AGBL1: variants seen among roughly 807,000 people sequenced by gnomAD.
AGBL1 encodes the protein cytosolic carboxypeptidase 4.
Under a neutral mutation model 118.9 loss-of-function variants are expected in AGBL1, and 130 were observed. That is an observed-to-expected ratio of 1.09 (90% confidence interval 0.95 to 1.26). The LOEUF is 1.26. Ranked by LOEUF, AGBL1 falls within the 50% of genes most tolerant of loss-of-function variation. The pLI is 0.00. For missense variants in AGBL1, 1,584 were observed against 1,298.1 expected (o/e 1.22, Z -3.38); for synonymous variants, 555 against 478.9 (o/e 1.16, Z -2.08).
chr15:86,813,497 C>A (rs2078820432), intron 22 of AGBL1, among the ~76,000 whole-genome samples: 1 of 152,140 alleles, frequency 6.6e-6, no homozygotes, highest in African/African-American at 2.4e-5. Context: ...CTTTTCCTGT[C>A]TTCCAAAGCA....
intron 18 of AGBL1, among the ~76,000 whole-genome samples, chr15:86,473,926 T>C (rs1032866242): frequency 7.2e-5 from 11 of 152,348 alleles, no homozygotes; most frequent in Admixed American, 7.2e-4. Flanking sequence ...CTTGAACTTC[T>C]ACATGTAGTG....
intron 24 of AGBL1, among the ~76,000 whole-genome samples, chr15:86,999,273 A>G (rs1033208202): frequency 6.6e-6 from 1 of 151,626 alleles, no homozygotes; most frequent in Admixed American, 6.6e-5. Context: ...CACATTGTGC[A>G]GGTTAGTTAC....
intron 21 of AGBL1, among the ~76,000 whole-genome samples, chr15:86,597,583 C>T (rs1019023986): frequency 2.6e-5 from 4 of 151,978 alleles, no homozygotes; most frequent in Admixed American, 6.6e-5. Flanking sequence ...AAATACAGTA[C>T]GTAATAGAAC....
intron 1 of AGBL1, among the ~76,000 whole-genome samples, chr15:86,117,585 G>A (rs1056839485): frequency 1.3e-5 from 2 of 152,158 alleles, no homozygotes; most frequent in African/African-American, 2.4e-5. Flanking sequence ...GGCTCAGAAT[G>A]TGTTTTTAGT....
intron 6 of AGBL1, among the ~76,000 whole-genome samples, chr15:86,231,329 C>A (rs1193617701): frequency 6.6e-6 from 1 of 152,130 alleles, no homozygotes; most frequent in Non-Finnish European, 1.5e-5. Context: ...TTTCAGTATG[C>A]CTTGGTGAAG....
chr15:86,496,110 C>T (rs2082851972), intron 18 of AGBL1, among the ~76,000 whole-genome samples: 1 of 151,850 alleles, frequency 6.6e-6, no homozygotes, highest in Non-Finnish European at 1.5e-5. Context: ...GAGGGACAGA[C>T]CTGGTGGGAG....
At chr15:86,918,631 A>T (rs530300764), downstream of AGBL1, among the ~76,000 whole-genome samples, 8 of 152,144 alleles carry the variant, frequency 5.3e-5, no homozygotes, top group African/African-American at 1.9e-4. Context: ...CGTACCTATT[A>T]ATTTAAATTT....
intron 22 of AGBL1, among the ~76,000 whole-genome samples, chr15:86,695,972 T>G (rs1186590035): frequency 6.6e-6 from 1 of 152,042 alleles, no homozygotes; most frequent in Admixed American, 6.6e-5. Flanking sequence ...TTGATATAAT[T>G]TAGATTTTCT....
intron 5 of AGBL1, among the ~76,000 whole-genome samples, chr15:86,172,870 C>T (rs757369620): frequency 1.2e-4 from 18 of 151,934 alleles, no homozygotes; most frequent in South Asian, 6.2e-4. Context: ...TATTCAATAG[C>T]GTGATTACTG....
At chr15:86,208,983 T>G (rs954586206) in intron 5 of AGBL1, among the ~76,000 whole-genome samples, 1 of 152,234 alleles carries the variant, frequency 6.6e-6, no homozygotes, top group Non-Finnish European at 1.5e-5. Flanking sequence ...ACAGACTGCT[T>G]TAAATGTGTC....
rs566183906 is a variant in AGBL1, at chr15:86,190,999, T to G, written c.488+31973T>G. 5.9e-5 allele frequency among the ~76,000 whole-genome samples: 9 copies of G among 152,148 alleles called. No homozygotes were observed. In the South Asian group the frequency reaches 1.9e-3, roughly 32 times the overall value. On this transcript the variant is annotated intron_variant, in intron 5 of 22. Coordinates refer to ENST00000614907, the MANE Select transcript of AGBL1 (RefSeq NM_001386094.1). ...GTGACTCAAGATCCAAAGGGTAGGA[T>G]GCCAAAACAACAGAATGAGCTGGTA...
chr15:86,253,141 G>A (rs999060616), intron 7 of AGBL1, among the ~76,000 whole-genome samples: 1 of 152,196 alleles, frequency 6.6e-6, no homozygotes, highest in Non-Finnish European at 1.5e-5. Flanking sequence ...GCAGAGCATT[G>A]TGAGTAAGGG....
intron 22 of AGBL1, among the ~76,000 whole-genome samples, chr15:86,695,157 C>T (rs1362029826): frequency 6.6e-6 from 1 of 151,946 alleles, no homozygotes; most frequent in Non-Finnish European, 1.5e-5. Flanking sequence ...GGAATAGTGT[C>T]AATAGGATTG....
rs2084246005 is a variant in AGBL1 at position 86,586,228 on chromosome 15, T to G, written c.2994+31691T>G. On this transcript the variant is annotated intron_variant, in intron 21 of 22. Coordinates refer to ENST00000614907, the MANE Select transcript of AGBL1 (RefSeq NM_001386094.1). ...TTCTCTCCTAGCCTGTAATTCTAAG[T>G]TATCTAGACAAGGTACTAGGGACAC... 2.6e-5 allele frequency among the ~76,000 whole-genome samples: 4 copies of G among 152,208 alleles called. No homozygotes were observed. The South Asian group carries it at 8.3e-4, about 32-fold the overall frequency.
chr15:86,605,276 C>T (rs191393985), intron 21 of AGBL1, among the ~76,000 whole-genome samples: 1 of 152,044 alleles, frequency 6.6e-6, no homozygotes, highest in Admixed American at 6.5e-5. Flanking sequence ...ACAAATGAGA[C>T]ATGGTAGGTT....
chr15:86,171,541 A>T (rs1166971740), intron 5 of AGBL1, among the ~76,000 whole-genome samples: 5 of 152,198 alleles, frequency 3.3e-5, no homozygotes, highest in Admixed American at 2.6e-4. Flanking sequence ...AAAACATTCA[A>T]TTCATCCAAA....
At chr15:86,478,870 G>A (rs1193520836) in intron 18 of AGBL1, among the ~76,000 whole-genome samples, 1 of 152,074 alleles carries the variant, frequency 6.6e-6, no homozygotes, top group Non-Finnish European at 1.5e-5. Flanking sequence ...GCACGATACT[G>A]GTACCAAAAC....
chr15:86,687,495 A>G (rs925580255), intron 22 of AGBL1, among the ~76,000 whole-genome samples: 3 of 152,160 alleles, frequency 2.0e-5, no homozygotes, highest in African/African-American at 7.2e-5. Context: ...ACAGAATCTA[A>G]CCTGAAACCT....
At chr15:86,533,298 G>A (rs917736965) in intron 19 of AGBL1, among the ~76,000 whole-genome samples, 8 of 130,878 alleles carry the variant, frequency 6.1e-5, no homozygotes, top group Admixed American at 3.0e-4. Context: ...AAAAGTGGGC[G>A]AAGGACATGA....
Sources: gnomAD v4.1 joint callset for allele counts (sites outside exome capture counted in the v4.1 genomes callset) on GRCh38, gnomAD v4.1.1 for gene constraint, MANE v1.5 for transcripts, NCBI Gene and HGNC (gene_info 2026-07-23, HGNC 2026-07-21) for gene names.